Variants in FARS2 observed in about 807,000 individuals in gnomAD.
The protein encoded by FARS2 is phenylalanine--tRNA ligase, mitochondrial.
FARS2 carries 40 observed loss-of-function variants against 46.4 expected under a neutral mutation model. That is an observed-to-expected ratio of 0.86 (90% CI 0.67 to 1.12). The LOEUF is 1.12. FARS2 is among the 50% of genes most tolerant of loss of function. The pLI is 0.00. For missense variants in FARS2, 513 were observed against 567.9 expected, an observed-to-expected ratio of 0.90 and a Z score of 0.98; for synonymous variants, 234 against 214.9, an observed-to-expected ratio of 1.09 and a Z score of -0.78.
chr6:5,346,188 C>T (rs1757219804), intron 1 of FARS2, among the ~76,000 whole-genome samples: 1 of 152,162 alleles, frequency 6.6e-6, no homozygotes, highest in African/African-American at 2.4e-5. Context: ...TCCTGAGTTC[C>T]ATTTCTTTGG....
At chr6:5,537,278 G>A (rs1425247877) in intron 4 of FARS2, among the ~76,000 whole-genome samples, 1 of 152,236 alleles carries the variant, frequency 6.6e-6, no homozygotes, top group African/African-American at 2.4e-5. Flanking sequence ...CTTCCCCAGT[G>A]CCTTCCACAG....
chr6:5,598,312 G>A (rs1774318650), intron 5 of FARS2, among the ~76,000 whole-genome samples: 1 of 152,190 alleles, frequency 6.6e-6, no homozygotes, highest in African/African-American at 2.4e-5. Context: ...GAGCCCAGCA[G>A]GTCAAGGCTG....
intron 5 of FARS2, among the ~76,000 whole-genome samples, chr6:5,560,742 GTTA>G (rs1771935451): frequency 6.6e-6 from 1 of 152,122 alleles, no homozygotes; most frequent in South Asian, 2.1e-4. Context: ...TTTTTAAATA[GTTA>G]TTAGGCTATT....
At chr6:5,565,097 C>T (rs986820072) in intron 5 of FARS2, among the ~76,000 whole-genome samples, 6 of 152,176 alleles carry the variant, frequency 3.9e-5, no homozygotes, top group African/African-American at 1.4e-4. Flanking sequence ...TAAGAGTACT[C>T]ACAGATAGTT....
chr6:5,257,642 C>T (rs994899471), upstream of FARS2, among the ~76,000 whole-genome samples: 22 of 152,128 alleles, frequency 1.4e-4, no homozygotes, highest in African/African-American at 5.1e-4. Context: ...AGATCAGCGG[C>T]GGCATTAGAT....
chr6:5,691,277 G>A (rs1189111923), intron 6 of FARS2, among the ~76,000 whole-genome samples: 1 of 152,164 alleles, frequency 6.6e-6, no homozygotes. Context: ...GATTTTTAGA[G>A]TTTCCAGTTT....
rs539491398 is a variant in FARS2 at position 5,498,363 on chromosome 6, G to A, written c.905-46817G>A. Among the ~76,000 whole-genome samples, 102 of 152,194 alleles carry A rather than the reference G, an allele frequency of 6.7e-4. 1 individual carries two copies. The highest frequency in any genetic ancestry group is 3.7e-4 in the Non-Finnish European group (25 of 68,012). The stretch of plus-strand genomic sequence containing the variant: ...GCTTGTTTCGTTTTTAAGAGTTATC[G>A]TTCAAGAGCATCAGCGGGGAAAGGA... On this transcript the variant is annotated intron_variant, in intron 4 of 6. Coordinates refer to ENST00000274680, the MANE Select transcript of FARS2 (RefSeq NM_006567.5).
chr6:5,492,306 CAGAA>C (rs1034533460), intron 4 of FARS2, among the ~76,000 whole-genome samples: 4 of 152,174 alleles, frequency 2.6e-5, no homozygotes, highest in African/African-American at 9.7e-5. Context: ...AACAGCCTTA[CAGAA>C]AGAAGTGAGA....
chr6:5,723,787 A>G (rs1156256648), intron 6 of FARS2, among the ~76,000 whole-genome samples: 3 of 152,226 alleles, frequency 2.0e-5, no homozygotes, highest in Non-Finnish European at 4.4e-5. Flanking sequence ...AAGCAGTAAG[A>G]AAACAAAATG....
intron 6 of FARS2, among the ~76,000 whole-genome samples, chr6:5,767,371 T>C (rs1032011152): frequency 7.2e-5 from 11 of 152,198 alleles, no homozygotes; most frequent in Non-Finnish European, 1.5e-4. Context: ...ATCCAGATAT[T>C]AGTGGACATT....
intron 5 of FARS2, among the ~76,000 whole-genome samples, chr6:5,607,285 A>G (rs4305777): frequency 2.1e-3 from 160 of 75,024 alleles, no homozygotes; most frequent in African/African-American, 4.5e-3. Context: ...AATAATATGT[A>G]TGTGTGTGTG....
chr6:5,252,246 T>G, the FARS2 span, among the ~76,000 whole-genome samples: 3 of 152,206 alleles, frequency 2.0e-5, no homozygotes, highest in African/African-American at 4.8e-5. Flanking sequence ...AATTTTCTTC[T>G]GAAAAGAATG....
At chr6:5,527,514 A>T (rs1040664288) in intron 4 of FARS2, among the ~76,000 whole-genome samples, 1 of 152,126 alleles carries the variant, frequency 6.6e-6, no homozygotes, top group Admixed American at 6.6e-5. Context: ...AACACTCACA[A>T]CTCTGTACAA....
chr6:5,302,285 G>A (rs1047218485), intron 1 of FARS2, among the ~76,000 whole-genome samples: 1 of 152,216 alleles, frequency 6.6e-6, no homozygotes, highest in Admixed American at 6.5e-5. Flanking sequence ...GTAGGGCTTG[G>A]TGGGGACTGA....
chr6:5,541,739 A>C (rs189421294), intron 4 of FARS2, among the ~76,000 whole-genome samples: 5 of 152,330 alleles, frequency 3.3e-5, no homozygotes, highest in African/African-American at 1.2e-4. Flanking sequence ...GTAAAGTGAA[A>C]GCAAGTTTAT....
At chr6:5,498,004 A>C (rs1279798046) in intron 4 of FARS2, among the ~76,000 whole-genome samples, 1 of 152,152 alleles carries the variant, frequency 6.6e-6, no homozygotes, top group Non-Finnish European at 1.5e-5. Flanking sequence ...TTTGAGAGGG[A>C]TAGCTATCTT....
At chr6:5,315,761 T>G in intron 1 of FARS2, among the ~76,000 whole-genome samples, 1 of 132,718 alleles carries the variant, frequency 7.5e-6, no homozygotes, top group Middle Eastern at 4.0e-3. Flanking sequence ...TTTCTTTCTT[T>G]TTTTTGGGGA....
chr6:5,459,263 A>G (rs1765093284), intron 4 of FARS2, among the ~76,000 whole-genome samples: 1 of 152,260 alleles, frequency 6.6e-6, no homozygotes, highest in Non-Finnish European at 1.5e-5. Flanking sequence ...AGGCAATCTA[A>G]TTAACCTTTA....
chr6:5,365,712 G>A (rs1758631934), intron 1 of FARS2, among the ~76,000 whole-genome samples: 1 of 151,770 alleles, frequency 6.6e-6, no homozygotes, highest in Admixed American at 6.6e-5. Flanking sequence ...GAAAATTCCT[G>A]TATACCTTTT....
Sources: gnomAD v4.1 joint callset for allele counts (sites outside exome capture counted in the v4.1 genomes callset) on GRCh38, gnomAD v4.1.1 for gene constraint, MANE v1.5 for transcripts, NCBI Gene and HGNC (gene_info 2026-07-23, HGNC 2026-07-21) for gene names.